The following PARD3B variants were observed in gnomAD, a reference collection of about 807,000 sequenced individuals.
The protein encoded by PARD3B is partitioning defective 3 homolog B.
In PARD3B, 103 loss-of-function variants were observed where a neutral mutation model predicts 130.2. The observed-to-expected ratio is 0.79, with a 90% CI of 0.67 to 0.93. PARD3B has a LOEUF of 0.93. Ranked by LOEUF, PARD3B falls within the 40% of genes least tolerant of loss-of-function variation. PARD3B has a pLI of 0.00. For missense variants in PARD3B, 1,609 were observed against 1,499.2 expected, an observed-to-expected ratio of 1.07 and a Z score of -1.21; for synonymous variants, 583 against 553.2, an observed-to-expected ratio of 1.05 and a Z score of -0.76.
At chr2:204,743,006 G>T (rs1438617180) in intron 2 of PARD3B, among the ~76,000 whole-genome samples, 1 of 152,044 alleles carries the variant, frequency 6.6e-6, no homozygotes, top group Non-Finnish European at 1.5e-5. Flanking sequence ...GTAATAGGTT[G>T]GGAAGCAACA....
chr2:205,385,313 A>G (rs1012910380), intron 18 of PARD3B, among the ~76,000 whole-genome samples: 4 of 152,078 alleles, frequency 2.6e-5, no homozygotes, highest in African/African-American at 9.7e-5. Context: ...TTCTCTTGCT[A>G]CCTGATACAG....
chr2:204,827,439 T>C (rs2043626786), intron 2 of PARD3B, among the ~76,000 whole-genome samples: 1 of 152,192 alleles, frequency 6.6e-6, no homozygotes, highest in South Asian at 2.1e-4. Context: ...GCAGTGATAG[T>C]TACAGAACTA....
chr2:205,077,541 T>G (rs995652504), intron 4 of PARD3B, among the ~76,000 whole-genome samples: 3 of 152,204 alleles, frequency 2.0e-5, no homozygotes, highest in Non-Finnish European at 4.4e-5. Context: ...GTTCATGCAT[T>G]CTGTAGTTCT....
chr2:205,142,146 A>G lies in PARD3B; in HGVS notation c.1434+16409A>G, dbSNP rs150124739. Among the ~76,000 whole-genome samples the G allele has an allele frequency of 3.9e-5, 6 of 152,208 alleles. No individual in the cohort carries two copies. The highest frequency in any genetic ancestry group is 1.4e-4 in the African/African-American group (6 of 41,450). ...TGTATAGAGTGTTTTGAAGACCTAG[A>G]TGAGAGCCACAAACAGCAGGTGACA... On this transcript the variant is annotated intron_variant, in intron 10 of 22. Transcript: ENST00000406610. This position sits in a 1 kb window ranked among gnomAD's most constrained non-coding sequence, Gnocchi z 4.3.
At chr2:204,586,380 T>C (rs1446129102) in intron 1 of PARD3B, among the ~76,000 whole-genome samples, 5 of 152,196 alleles carry the variant, frequency 3.3e-5, no homozygotes, top group African/African-American at 1.2e-4. Flanking sequence ...TATTTTAACA[T>C]ATGTCACTGA....
At chr2:205,521,128 C>CTGTTTTTCATTAATACACTGAACAAATAT (rs2051030228) in intron 21 of PARD3B, among the ~76,000 whole-genome samples, 1 of 151,528 alleles carries the variant, frequency 6.6e-6, no homozygotes, top group African/African-American at 2.4e-5. Context: ...TGAACAAATA[C>CTGTTTTTCATTAATACACTGAACAAATAT]TAATGGTCTG....
At position 205,104,395 on chromosome 2, in the gene PARD3B, A is replaced by AT. The variant is rs1357988227; in HGVS notation, c.505-30dup. ...AGATTTTCAATTCAATATGCACAGC[A>AT]TCACATGCTTATGACTTTGTTTCAC... On this transcript the variant is annotated intron_variant, in intron 4 of 22. Transcript: ENST00000406610. The AT allele has an allele frequency of 3.4e-6, 5 of 1,465,082 alleles. No homozygotes were observed. In the Admixed American group the frequency reaches 8.4e-5, roughly 25 times the overall value. The allele number at this position is 1,465,082 out of a possible 1,614,324, so 90.8% of individuals were successfully genotyped here.
intron 2 of PARD3B, among the ~76,000 whole-genome samples, chr2:204,841,566 T>A (rs569492014): frequency 6.6e-6 from 1 of 152,284 alleles, no homozygotes; most frequent in East Asian, 1.9e-4. Context: ...TACTGCTGTT[T>A]AATTGATTTT....
rs1370417064 is a variant in PARD3B, at chr2:205,287,380, A to C, written c.2186-13150A>C. Among the ~76,000 whole-genome samples the C allele has an allele frequency of 1.3e-5, 2 of 152,226 alleles. No individual in the cohort carries two copies. The highest frequency in any genetic ancestry group is 4.8e-5 in the African/African-American group (2 of 41,458). ...CTGCACCCAGGGTCTCCATGTCAGC[A>C]GTACTCTCTCGTGCAGTTCTGGTTC... is the stretch of plus-strand genomic sequence containing the variant. On this transcript the variant is annotated intron_variant, in intron 16 of 22. Coordinates refer to ENST00000406610, the MANE Select transcript of PARD3B (RefSeq NM_001302769.2). The surrounding 1 kb of genome is among the most constrained non-coding windows in gnomAD (Gnocchi z 4.8).
chr2:204,910,130 G>T (rs915641539), intron 2 of PARD3B, among the ~76,000 whole-genome samples: 7 of 152,098 alleles, frequency 4.6e-5, no homozygotes, highest in African/African-American at 1.7e-4. Context: ...AGATATGATT[G>T]GACAAAGGAA....
chr2:204,710,655 C>T (rs2038390083), intron 2 of PARD3B, among the ~76,000 whole-genome samples: 1 of 152,194 alleles, frequency 6.6e-6, no homozygotes, highest in African/African-American at 2.4e-5. Context: ...TAAAGAGTTG[C>T]ACCTGCTTCA....
At chr2:205,451,105 G>T (rs1170624090) in intron 20 of PARD3B, among the ~76,000 whole-genome samples, 1 of 152,160 alleles carries the variant, frequency 6.6e-6, no homozygotes, top group Non-Finnish European at 1.5e-5. Flanking sequence ...GCCCATTAAG[G>T]AATTTAGATG....
At chr2:205,193,155 T>A (rs1339791904) in intron 14 of PARD3B, 50 bp from the exon 15 acceptor site, 3 of 1,363,742 alleles carry the variant, frequency 2.2e-6, no homozygotes, top group African/African-American at 1.4e-5. Context: ...CCTCATTTTT[T>A]AAAAGATTTT....
At chr2:204,822,918 T>G (rs2043422026) in intron 2 of PARD3B, among the ~76,000 whole-genome samples, 2 of 152,206 alleles carry the variant, frequency 1.3e-5, no homozygotes, top group East Asian at 3.8e-4. Flanking sequence ...ACTCTTCTCT[T>G]TAGCTTCATC....
intron 2 of PARD3B, among the ~76,000 whole-genome samples, chr2:204,935,501 T>A (rs902771752): frequency 6.6e-6 from 1 of 151,758 alleles, no homozygotes; most frequent in Non-Finnish European, 1.5e-5. Flanking sequence ...ATGGCGCCAC[T>A]GTACTCCAGC....
intron 1 of PARD3B, among the ~76,000 whole-genome samples, chr2:204,668,893 A>G (rs1310595334): frequency 2.0e-5 from 3 of 152,150 alleles, no homozygotes; most frequent in African/African-American, 7.2e-5. Flanking sequence ...TTTGTGGAAG[A>G]GGGAAGCAGG....
rs989653814 is a variant in PARD3B at position 205,269,815 on chromosome 2, T to G, written c.2185+23993T>G. ...GCTATGTGCTTCTCTCCTACTGGCA[T>G]GTATCATAGACTCAGTATTTTCTAG... On this transcript the variant is annotated intron_variant, in intron 16 of 22. Transcript: ENST00000406610. This position sits in a 1 kb window ranked among gnomAD's most constrained non-coding sequence, Gnocchi z 4.7. 6.6e-6 allele frequency among the ~76,000 whole-genome samples: 1 copy of G among 152,224 alleles called. No homozygotes were observed. Among genetic ancestry groups the G allele is most frequent in the Non-Finnish European group, 1.5e-5 (1 of 68,046 alleles).
intron 3 of PARD3B, among the ~76,000 whole-genome samples, chr2:204,999,678 C>T (rs1188366218): frequency 6.6e-6 from 1 of 152,152 alleles, no homozygotes; most frequent in Non-Finnish European, 1.5e-5. Context: ...CTATAATATT[C>T]ACAAGGAGCC....
intron 18 of PARD3B, among the ~76,000 whole-genome samples, chr2:205,337,203 G>A (rs2043345631): frequency 6.6e-6 from 1 of 152,158 alleles, no homozygotes; most frequent in Non-Finnish European, 1.5e-5. Context: ...AACACAGTTT[G>A]GTGAAGACAT....
Sources: gnomAD v4.1 joint callset for allele counts (sites outside exome capture counted in the v4.1 genomes callset) on GRCh38, gnomAD v4.1.1 for gene constraint, Gnocchi (gnomAD v3.1) non-coding constraint, MANE v1.5 for transcripts, NCBI Gene and HGNC (gene_info 2026-07-23, HGNC 2026-07-21) for gene names.